Variants in RUVBL2 observed in about 807,000 individuals in gnomAD.
The protein encoded by RUVBL2 is ruvB-like 2.
A neutral mutation model predicts 57.9 loss-of-function variants in RUVBL2; 9 were observed. The observed-to-expected ratio is 0.16, with a 90% confidence interval of 0.09 to 0.27. The LOEUF is 0.27. Among genes scored for constraint, RUVBL2 ranks in the 10% least tolerant of loss-of-function variants. The pLI is 1.00. For synonymous variants in RUVBL2, 278 were observed against 264.6 expected, an observed-to-expected ratio of 1.05 and a Z score of -0.49; for missense variants, 456 against 669.6, an observed-to-expected ratio of 0.68 and a Z score of 3.52.
chr19:48,993,483 G>A (rs933157060), upstream of RUVBL2: 1 of 427,542 alleles, frequency 2.3e-6, no homozygotes, highest in South Asian at 2.1e-5. Flanking sequence ...AGACCTCCAG[G>A]GGGCGGAGCT....
chr19:49,008,004 G>A (rs2039317082), intron 6 of RUVBL2, among the ~76,000 whole-genome samples: 1 of 141,804 alleles, frequency 7.1e-6, no homozygotes, highest in South Asian at 2.2e-4. Flanking sequence ...ACCATACCTG[G>A]CCTCTTTTTT....
intron 5 of RUVBL2, 26 bp from the exon 6 acceptor site, chr19:49,007,276 T>A: frequency 6.2e-7 from 1 of 1,611,126 alleles, no homozygotes; most frequent in Non-Finnish European, 8.5e-7. Context: ...TGTCAGGCTG[T>A]CTCCTCAGAT....
Position 49,015,030 on chromosome 19 carries a change from A to G in RUVBL2, c.1131A>G (p.Glu377=), listed in dbSNP as rs2039516445. ...TKQILRIRCE[E]EDVEMSEDAY... is the part of the protein sequence containing the mutation. ...CCCCCACTGCTTGCAGGTGCGAGGAAGAAGATGTGGAGATGAGTGAGGACG... is the reference window on the plus strand; with the variant it reads ...CCCCCACTGCTTGCAGGTGCGAGGAGGAAGATGTGGAGATGAGTGAGGACG... Residue 377 remains glutamate (E), a synonymous_variant, in exon 13 of 15, where the codon GAA becomes GAG. Transcript: ENST00000595090. 6.2e-7 allele frequency: 1 copy of G among 1,602,898 alleles called. No homozygotes were observed.
chr19:49,005,103 G>A lies in RUVBL2; in HGVS notation c.265+685G>A, dbSNP rs182934072. Among the ~76,000 whole-genome samples, 366 of 152,212 alleles carry A rather than the reference G, an allele frequency of 2.4e-3. 1 individual carries two copies. Among genetic ancestry groups the A allele is most frequent in the Non-Finnish European group, 3.5e-3 (235 of 68,026 alleles). ...GTTTATGATCTTTTCACTCCCAGCT[G>A]TTCCTCTTCTTCCTTGTTGAACTCC... On this transcript the variant is annotated intron_variant, in intron 4 of 14. Coordinates refer to ENST00000595090, the MANE Select transcript of RUVBL2 (RefSeq NM_006666.3).
chr19:49,004,411 C>A lies in RUVBL2; in HGVS notation c.258C>A (p.Ile86=), dbSNP rs750229033. 1 of 1,612,202 alleles carries A rather than the reference C, an allele frequency of 6.2e-7. No homozygotes were observed. Among genetic ancestry groups the A allele is most frequent in the East Asian group, 2.2e-5 (1 of 44,872 alleles). ...AGCCGGGCACGGGGAAGACGGCCAT[C>A]GCCATGGGTAAGAAACCTCCCAGGG... ...AGQPGTGKTA[I]AMGMAQALGP... is the part of the protein sequence containing the mutation. The change falls in exon 4 of 15, where the codon ATC becomes ATA. Residue 86 remains isoleucine, a synonymous_variant. Transcript: ENST00000595090.
intron 4 of RUVBL2, among the ~76,000 whole-genome samples, chr19:49,005,008 A>G (rs75205862): frequency 0.091 from 13,799 of 151,486 alleles, 665 homozygotes; most frequent in African/African-American, 0.11. Flanking sequence ...TGAGGGTTCT[A>G]GAACTAAGGA....
intron 2 of RUVBL2, among the ~76,000 whole-genome samples, chr19:49,002,180 C>CT (rs1394974971): frequency 6.6e-6 from 1 of 152,022 alleles, no homozygotes; most frequent in Non-Finnish European, 1.5e-5. Context: ...TCCCGAGTAT[C>CT]TGAGACTACA....
upstream of RUVBL2, chr19:48,993,522 C>T (rs2038985440): frequency 4.5e-6 from 2 of 440,574 alleles, no homozygotes; most frequent in East Asian, 4.6e-5. Flanking sequence ...AAACGAGTGG[C>T]CTTCAGCTCT....
intron 11 of RUVBL2, among the ~76,000 whole-genome samples, chr19:49,012,026 G>A (rs1348642400): frequency 6.6e-6 from 1 of 152,152 alleles, no homozygotes; most frequent in Non-Finnish European, 1.5e-5. Context: ...CAGGAAGCAG[G>A]GGGATGTGGA....
intron 6 of RUVBL2, among the ~76,000 whole-genome samples, chr19:49,007,949 T>G (rs1329324961): frequency 1.3e-5 from 2 of 151,232 alleles, no homozygotes; most frequent in Non-Finnish European, 2.9e-5. Flanking sequence ...CCTCGTGATC[T>G]GCCCACCTTG....
intron 6 of RUVBL2, 81 bp downstream of exon 6, chr19:49,007,449 A>G: frequency 1.6e-6 from 2 of 1,275,960 alleles, no homozygotes; most frequent in Non-Finnish European, 2.2e-6. Context: ...GTCTGCACTG[A>G]GGTCAGAATC....
In RUVBL2 at chr19:48,993,923, T is replaced by A. The variant is rs547533762; in HGVS notation, c.12T>A (p.Val4=). The part of the protein sequence containing the change: MAT[V]TATTKVPEIR... ...AGTTGGTGAGCATCATGGCAACCGT[T>A]GTAAGTGTGGGTGCATGGAGGGTGA... is the stretch of plus-strand genomic sequence containing the variant. Residue 4 remains valine, a splice_region_variant and synonymous_variant, in exon 1 of 15, where the codon GTT becomes GTA. Transcript: ENST00000595090. The A allele has an allele frequency of 1.4e-5, 23 of 1,613,832 alleles. No individual in the cohort carries two copies. The South Asian group carries it at 2.2e-4, about 15-fold the overall frequency.
chr19:49,000,678 A>C lies in RUVBL2; in HGVS notation c.67+1305A>C, dbSNP rs1037399471. 2.0e-5 allele frequency among the ~76,000 whole-genome samples: 3 copies of C among 152,210 alleles called. 1 individual carries two copies. Among genetic ancestry groups the C allele is most frequent in the Non-Finnish European group, 4.4e-5 (3 of 68,032 alleles). ...TCAGGAGTTTGAGACCAGCTTGGCC[A>C]ACATGGTGAAACCCTGTCTCTACTA... On this transcript the variant is annotated intron_variant, in intron 2 of 14. Transcript: ENST00000595090.
intron 12 of RUVBL2, 32 bp from the exon 13 acceptor site, chr19:49,014,989 G>A (rs2122662939): frequency 6.4e-7 from 1 of 1,573,770 alleles, no homozygotes; most frequent in East Asian, 2.4e-5. Context: ...CTGGGCCCCG[G>A]CTGAGCCACC....
rs1481664312 is a variant in RUVBL2, at chr19:49,009,822, C to G, written c.509C>G (p.Thr170Ser). ...ACCCTCAAGACCACAGAGATGGAGA[C>G]CATCTACGACCTGGGCACCAAGATG... ...KLTLKTTEME[T>S]IYDLGTKMIE... The change falls in exon 7 of 15, where the codon ACC (threonine) becomes AGC (serine). Residue 170 changes from threonine (T) to serine (S), a missense_variant. This residue lies in a region of RUVBL2 where 233 missense variants were observed against 306.0 expected (regional missense o/e 0.76). Transcript: ENST00000595090. 6.2e-7 allele frequency: 1 copy of G among 1,614,098 alleles called. No individual in the cohort carries two copies. The highest frequency in any genetic ancestry group is 8.5e-7 in the Non-Finnish European group (1 of 1,180,016).
intron 11 of RUVBL2, among the ~76,000 whole-genome samples, chr19:49,014,199 C>T (rs1025197162): frequency 2.6e-5 from 4 of 152,232 alleles, no homozygotes; most frequent in Admixed American, 2.6e-4. Flanking sequence ...CTTTGTGAAG[C>T]TTTGTGTCGA....
At chr19:49,014,409 G>A in intron 11 of RUVBL2, 75 bp from the exon 12 acceptor site, 2 of 1,548,392 alleles carry the variant, frequency 1.3e-6, no homozygotes, top group East Asian at 2.3e-5. Flanking sequence ...GCGATGGGAG[G>A]TGAGAGTGTT....
intron 6 of RUVBL2, among the ~76,000 whole-genome samples, chr19:49,008,639 G>A (rs1255033610): frequency 6.6e-6 from 1 of 151,850 alleles, no homozygotes; most frequent in Non-Finnish European, 1.5e-5. Flanking sequence ...GAGATCAGGA[G>A]TTCGAAACGA....
At chr19:48,999,488 G>A (rs2039134128) in intron 2 of RUVBL2, 115 bp downstream of exon 2, 2 of 1,035,340 alleles carry the variant, frequency 1.9e-6, no homozygotes, top group South Asian at 2.6e-5. Context: ...CACCAACTGT[G>A]CCCCCACTAC....
Sources: allele counts gnomAD v4.1 joint callset (sites outside exome capture counted in the v4.1 genomes callset), GRCh38; gene constraint gnomAD v4.1.1; regional missense constraint gnomAD v4.1.1; transcripts MANE v1.5; gene names NCBI Gene and HGNC (gene_info 2026-07-23, HGNC 2026-07-21).